The following AGAP1 variants were observed in gnomAD, a reference collection of about 807,000 sequenced individuals.
AGAP1 encodes ArfGAP with GTPase domain, ankyrin repeat and PH domain 1, also known as arf-GAP with GTPase, ANK repeat and PH domain-containing protein 1.
A neutral mutation model predicts 105.3 loss-of-function variants in AGAP1; 29 were observed. The observed-to-expected ratio is 0.28, with a 90% CI of 0.21 to 0.38. The LOEUF is 0.38. AGAP1 is among the 10% of genes least tolerant of loss of function. The pLI is 1.00. For missense variants in AGAP1, 998 were observed against 1,165.1 expected (o/e 0.86, Z 2.09); for synonymous variants, 509 against 485.9 (o/e 1.05, Z -0.63).
intron 1 of AGAP1, among the ~76,000 whole-genome samples, chr2:235,707,396 C>T (rs556164972): frequency 2.0e-5 from 3 of 150,650 alleles, no homozygotes; most frequent in Non-Finnish European, 3.0e-5. Flanking sequence ...ATGTCTCACT[C>T]GGCATCGGGA....
At chr2:235,878,026 G>A (rs945210938) in intron 9 of AGAP1, among the ~76,000 whole-genome samples, 3 of 152,224 alleles carry the variant, frequency 2.0e-5, no homozygotes, top group African/African-American at 7.2e-5. Flanking sequence ...AGGGCAGCCC[G>A]CTGATTTGAG....
intron 1 of AGAP1, among the ~76,000 whole-genome samples, chr2:235,685,517 G>A (rs1166578706): frequency 6.6e-6 from 1 of 151,554 alleles, no homozygotes; most frequent in East Asian, 2.0e-4. Flanking sequence ...GCTCCCCTGG[G>A]ACCTGACCAG....
chr2:236,065,736 C>T (rs2058328983), intron 16 of AGAP1, among the ~76,000 whole-genome samples: 1 of 152,238 alleles, frequency 6.6e-6, no homozygotes, highest in African/African-American at 2.4e-5. Flanking sequence ...ACAGCTGCCT[C>T]CTGCTGGGTT....
At chr2:235,902,036 T>G (rs1225108757) in intron 10 of AGAP1, among the ~76,000 whole-genome samples, 3 of 152,226 alleles carry the variant, frequency 2.0e-5, no homozygotes, top group Non-Finnish European at 4.4e-5. Flanking sequence ...ATAAATAATA[T>G]TTTTGTGAAA....
intron 13 of AGAP1, among the ~76,000 whole-genome samples, chr2:235,986,399 A>G (rs2055314912): frequency 6.6e-6 from 1 of 152,132 alleles, no homozygotes; most frequent in South Asian, 2.1e-4. Flanking sequence ...TCTCAATATA[A>G]AATCATGTTG....
intron 1 of AGAP1, chr2:235,670,705 G>A: frequency 1.3e-6 from 1 of 756,648 alleles, no homozygotes; most frequent in South Asian, 1.5e-5. Context: ...CCGCCACGCA[G>A]CCCGCCTCGG....
At chr2:235,881,309 C>T (rs894701587) in intron 9 of AGAP1, among the ~76,000 whole-genome samples, 6 of 152,034 alleles carry the variant, frequency 3.9e-5, no homozygotes, top group Admixed American at 2.0e-4. Flanking sequence ...TTTAGGAGGT[C>T]GATGGAGGCT....
In AGAP1 at chr2:236,120,356, T is replaced by TGAAC; in HGVS notation, c.2282_2285dup (p.Thr763ArgfsTer77). The stretch of plus-strand genomic sequence containing the variant: ...CTGGCACACGGCTCCCGGGACGAGG[T>TGAAC]GAACGAGACCTGCGGGGAGGGAGAC... On this transcript the variant is annotated frameshift_variant, in exon 17 of 18. Transcript: ENST00000304032. LOFTEE classifies it high-confidence loss of function. This position sits in a 1 kb window ranked among gnomAD's most constrained non-coding sequence, Gnocchi z 6.0. 2 of 1,611,758 alleles carry TGAAC rather than the reference T, an allele frequency of 1.2e-6. No individual in the cohort carries two copies. Among genetic ancestry groups the TGAAC allele is most frequent in the Non-Finnish European group, 1.7e-6 (2 of 1,179,724 alleles).
rs185360358 is a variant in AGAP1, at chr2:235,549,284, A to G, written c.163+54435A>G. ...GCTGGGGGGAACGTGGAGGACAGGG[A>G]TGACTGGAGAGAGCTGGCGAGTGCA... On this transcript the variant is annotated intron_variant, in intron 1 of 17. Transcript: ENST00000304032. This position sits in a 1 kb window ranked among gnomAD's most constrained non-coding sequence, Gnocchi z 4.2. Among the ~76,000 whole-genome samples the G allele has an allele frequency of 4.6e-5, 7 of 152,252 alleles. No individual in the cohort carries two copies. The highest frequency in any genetic ancestry group is 1.7e-4 in the African/African-American group (7 of 41,540).
rs1279088662 is a variant in AGAP1, at chr2:235,712,872, G to A, written c.222+3635G>A. On this transcript the variant is annotated intron_variant, in intron 2 of 17. Coordinates refer to ENST00000304032, the MANE Select transcript of AGAP1 (RefSeq NM_001037131.3). The surrounding 1 kb of genome is among the most constrained non-coding windows in gnomAD (Gnocchi z 6.0). ...TCGCTCCGACAGCTTCACGGGTGGCGTGACACACTTGAAACGGCATTTTGA... is the reference window on the plus strand; with the variant it reads ...TCGCTCCGACAGCTTCACGGGTGGCATGACACACTTGAAACGGCATTTTGA... Among the ~76,000 whole-genome samples the A allele has an allele frequency of 2.0e-5, 3 of 152,236 alleles. No individual in the cohort carries two copies. Among genetic ancestry groups the A allele is most frequent in the Non-Finnish European group, 2.9e-5 (2 of 68,050 alleles).
Position 235,982,534 on chromosome 2 carries a change from G to C in AGAP1, c.1645+13911G>C, listed in dbSNP as rs768890997. 5.3e-5 allele frequency among the ~76,000 whole-genome samples: 8 copies of C among 152,152 alleles called. No homozygotes were observed. The highest frequency in any genetic ancestry group is 1.2e-4 in the Non-Finnish European group (8 of 68,042). ...GGTAAAAGTAACCTGTATTATCATT[G>C]GTTCTAGGGGACTACTGAAGATAAG... On this transcript the variant is annotated intron_variant, in intron 13 of 17. Transcript: ENST00000304032. This position sits in a 1 kb window ranked among gnomAD's most constrained non-coding sequence, Gnocchi z 4.9.
intron 11 of AGAP1, among the ~76,000 whole-genome samples, chr2:235,928,670 A>T (rs1435343689): frequency 6.6e-6 from 1 of 152,184 alleles, no homozygotes; most frequent in Non-Finnish European, 1.5e-5. Context: ...GGGTCCCGAG[A>T]TGGGAGTATC....
In AGAP1 at chr2:235,787,263, C is replaced by T. The variant is rs115204766; in HGVS notation, c.674-10496C>T. Among the ~76,000 whole-genome samples the T allele has an allele frequency of 0.021, 3,157 of 152,326 alleles. 102 individuals carry two copies. Among genetic ancestry groups the T allele is most frequent in the African/African-American group, 0.072 (2,999 of 41,566 alleles). ...ATGTCATGAAAGCTTTTCTTCATCA[C>T]GTGCTAATGACTTCCTGTTCCACAG... On this transcript the variant is annotated intron_variant, in intron 6 of 17. Coordinates refer to ENST00000304032, the MANE Select transcript of AGAP1 (RefSeq NM_001037131.3). The surrounding 1 kb of genome is among the most constrained non-coding windows in gnomAD (Gnocchi z 4.4).
intron 8 of AGAP1, among the ~76,000 whole-genome samples, chr2:235,803,173 T>C (rs1957665190): frequency 1.4e-5 from 2 of 141,458 alleles, no homozygotes; most frequent in Non-Finnish European, 1.6e-5. Context: ...GTTGTGGTTG[T>C]GGTGATGGTG....
chr2:236,121,988 G>T lies in AGAP1; in HGVS notation c.2370+1541G>T, dbSNP rs184424327. ...TCTTTTTGGGACAAAGTCTTGCTCTGTCGTCCAGGCTGGAGTGCAGTGGCA... is the reference window on the plus strand; with the variant it reads ...TCTTTTTGGGACAAAGTCTTGCTCTTTCGTCCAGGCTGGAGTGCAGTGGCA... On this transcript the variant is annotated intron_variant, in intron 17 of 17. Transcript: ENST00000304032. This position sits in a 1 kb window ranked among gnomAD's most constrained non-coding sequence, Gnocchi z 4.9. 7.3e-4 allele frequency among the ~76,000 whole-genome samples: 101 copies of T among 138,468 alleles called. No individual in the cohort carries two copies. Among genetic ancestry groups the T allele is most frequent in the African/African-American group, 2.8e-3 (101 of 36,696 alleles). 90.8% of individuals were successfully genotyped at this position (138,468 alleles called of 152,430 possible).
intron 2 of AGAP1, among the ~76,000 whole-genome samples, chr2:235,710,095 T>C (rs1426797914): frequency 6.6e-6 from 1 of 152,240 alleles, no homozygotes; most frequent in Non-Finnish European, 1.5e-5. Flanking sequence ...GCTCTTGCTG[T>C]TCTGCAGACT....
At chr2:235,668,670 G>A (rs1575075528) in intron 1 of AGAP1, among the ~76,000 whole-genome samples, 1 of 152,180 alleles carries the variant, frequency 6.6e-6, no homozygotes. Flanking sequence ...TGTGGCCTCC[G>A]ATAACATCCT....
At position 235,734,221 on chromosome 2, in the gene AGAP1, A is replaced by T. The variant is rs142438005; in HGVS notation, c.311-6742A>T. On this transcript the variant is annotated intron_variant, in intron 3 of 17. Coordinates refer to ENST00000304032, the MANE Select transcript of AGAP1 (RefSeq NM_001037131.3). The surrounding 1 kb of genome is among the most constrained non-coding windows in gnomAD (Gnocchi z 5.3). ...TCATCATGGCACTCAGTAACAAGGAATATTGTAGATGAATTTTGAAAATGT... is the reference window on the plus strand; with the variant it reads ...TCATCATGGCACTCAGTAACAAGGATTATTGTAGATGAATTTTGAAAATGT... Among the ~76,000 whole-genome samples the T allele has an allele frequency of 4.4e-4, 67 of 152,350 alleles. No individual in the cohort carries two copies. The highest frequency in any genetic ancestry group is 8.1e-4 in the Non-Finnish European group (55 of 68,032).
chr2:235,833,946 C>A (rs758088334), intron 9 of AGAP1, among the ~76,000 whole-genome samples: 11 of 139,082 alleles, frequency 7.9e-5, no homozygotes, highest in Non-Finnish European at 1.2e-4. Flanking sequence ...GTAAAACTCA[C>A]ATTTTTTTTG....
Sources: gnomAD v4.1 joint callset for allele counts (sites outside exome capture counted in the v4.1 genomes callset) on GRCh38, gnomAD v4.1.1 for gene constraint, Gnocchi (gnomAD v3.1) non-coding constraint, MANE v1.5 for transcripts, NCBI Gene and HGNC (gene_info 2026-07-23, HGNC 2026-07-21) for gene names.